Variants in COL4A2 observed in about 807,000 individuals in gnomAD.
The protein encoded by COL4A2 is collagen alpha-2(IV) chain.
COL4A2 carries 99 observed loss-of-function variants against 200.2 expected under a neutral mutation model. That is an observed-to-expected ratio of 0.49 (90% CI 0.42 to 0.58). The LOEUF (loss-of-function observed/expected upper bound fraction) is 0.58. COL4A2 is among the 20% of genes least tolerant of loss of function. The probability of loss-of-function intolerance (pLI) is 0.00; values close to 1 mark genes in which losing one functional copy is unlikely to be tolerated. For synonymous variants in COL4A2, 897 were observed against 900.6 expected (o/e 1.00, Z 0.07); for missense variants, 1,950 against 2,314.1 (o/e 0.84, Z 3.23).
chr13:110,378,988 G>C (rs147633365), intron 4 of COL4A2, among the ~76,000 whole-genome samples: 48 of 152,268 alleles, frequency 3.2e-4, no homozygotes, highest in Non-Finnish European at 5.4e-4. Context: ...TCATGGAGCC[G>C]GGGGCATTTG....
At chr13:110,452,669 T>G (rs1881585748) in intron 20 of COL4A2, among the ~76,000 whole-genome samples, 1 of 152,260 alleles carries the variant, frequency 6.6e-6, no homozygotes, top group South Asian at 2.1e-4. Context: ...AACCCACATA[T>G]TCTCACATTA....
intron 24 of COL4A2, among the ~76,000 whole-genome samples, chr13:110,463,689 C>T (rs1360306134): frequency 6.6e-6 from 1 of 152,190 alleles, no homozygotes; most frequent in Admixed American, 6.5e-5. Flanking sequence ...CACACCAGCA[C>T]ACCCACCTAA....
At chr13:110,407,070 T>C (rs1286576796) in intron 4 of COL4A2, among the ~76,000 whole-genome samples, 1 of 152,214 alleles carries the variant, frequency 6.6e-6, no homozygotes, top group Non-Finnish European at 1.5e-5. Context: ...TGCTTCTCCA[T>C]GGTGCTGGGA....
intron 4 of COL4A2, among the ~76,000 whole-genome samples, chr13:110,411,095 T>G (rs1040728747): frequency 1.3e-5 from 2 of 152,086 alleles, no homozygotes; most frequent in Admixed American, 1.3e-4. Flanking sequence ...CCATCTCAGC[T>G]CCTATCTGTG....
rs189494958 is a variant in COL4A2 at position 110,490,517 on chromosome 13, G to A, written c.3347-716G>A. Among the ~76,000 whole-genome samples the A allele has an allele frequency of 2.3e-3, 350 of 152,268 alleles. 2 individuals carry two copies. The highest frequency in any genetic ancestry group is 8.1e-3 in the African/African-American group (336 of 41,554). The stretch of plus-strand genomic sequence containing the variant: ...AGAAATTGCTCTGGAATGGAAAGAC[G>A]TGTTCAGTTGAGCACAGGATCAGAG... On this transcript the variant is annotated intron_variant, in intron 36 of 47. Coordinates refer to ENST00000360467, the MANE Select transcript of COL4A2 (RefSeq NM_001846.4).
intron 3 of COL4A2, among the ~76,000 whole-genome samples, chr13:110,334,162 G>A (rs567174773): frequency 1.6e-4 from 25 of 152,248 alleles, no homozygotes; most frequent in Non-Finnish European, 2.6e-4. Context: ...ACAATATGAC[G>A]CACAGTCAGT....
Position 110,512,341 on chromosome 13 carries a change from C to A in COL4A2, c.*150C>A. ...CAGCAGCAGCACTTAGACCTGCCAG[C>A]CACTGTCACCGAGCGGGTGCAAGCA... On this transcript the variant is annotated 3_prime_UTR_variant, in exon 48 of 48. Coordinates refer to ENST00000360467, the MANE Select transcript of COL4A2 (RefSeq NM_001846.4). 1 of 1,317,780 alleles carries A rather than the reference C, an allele frequency of 7.6e-7. No homozygotes were observed. Among genetic ancestry groups the A allele is most frequent in the Non-Finnish European group, 1.0e-6 (1 of 994,486 alleles). 81.6% of individuals were successfully genotyped at this position (1,317,780 alleles called of 1,614,324 possible).
At chr13:110,499,584 A>G (rs866636196) in intron 40 of COL4A2, among the ~76,000 whole-genome samples, 8 of 152,184 alleles carry the variant, frequency 5.3e-5, no homozygotes, top group South Asian at 2.1e-4. Context: ...AGAGTCTGCA[A>G]CCTCACCTAT....
chr13:110,383,606 CTTTTTT>C (rs67906394), intron 4 of COL4A2, among the ~76,000 whole-genome samples: 11 of 65,346 alleles, frequency 1.7e-4, no homozygotes, highest in Non-Finnish European at 2.3e-4. Context: ...CAGCCCTTTT[CTTTTTT>C]TTTTTTTTTT....
At chr13:110,405,948 G>T (rs1879551131) in intron 4 of COL4A2, among the ~76,000 whole-genome samples, 2 of 152,234 alleles carry the variant, frequency 1.3e-5, no homozygotes, top group Admixed American at 1.3e-4. Flanking sequence ...CGCATTTGTG[G>T]CTGGAGGTCA....
chr13:110,472,855 C>T, intron 28 of COL4A2, 74 bp from the exon 29 acceptor site: 1 of 1,440,488 alleles, frequency 6.9e-7, no homozygotes, highest in Non-Finnish European at 9.5e-7. Flanking sequence ...CTGTTTCCAG[C>T]CTCTTTTTGA....
At chr13:110,403,876 T>C (rs2139432982) in intron 4 of COL4A2, among the ~76,000 whole-genome samples, 1 of 152,352 alleles carries the variant, frequency 6.6e-6, no homozygotes, top group East Asian at 1.9e-4. Flanking sequence ...TTATTGCTCA[T>C]AGTTCTGCAG....
chr13:110,507,630 A>G, intron 46 of COL4A2: 1 of 477,878 alleles, frequency 2.1e-6, no homozygotes, highest in Middle Eastern at 5.7e-4. Flanking sequence ...TTAAGACCCC[A>G]CTAAGGTAAG....
At chr13:110,468,249 G>A (rs1477073693) in intron 27 of COL4A2, 3 of 471,618 alleles carry the variant, frequency 6.4e-6, no homozygotes, top group Admixed American at 2.3e-5. Flanking sequence ...GTGAGCAGAG[G>A]TAAAGGCTCC....
chr13:110,488,133 C>G (rs1883168944), intron 34 of COL4A2, among the ~76,000 whole-genome samples: 1 of 152,192 alleles, frequency 6.6e-6, no homozygotes, highest in Non-Finnish European at 1.5e-5. Context: ...TCAAGCGATT[C>G]CCCTGCCACA....
In COL4A2 at chr13:110,511,981, G is replaced by A. The variant is rs7320105; in HGVS notation, c.4929G>A (p.Pro1643=). 1.9e-3 allele frequency: 3,013 copies of A among 1,613,530 alleles called. No homozygotes were observed. Among genetic ancestry groups the A allele is most frequent in the African/African-American group, 4.8e-3 (361 of 75,054 alleles). ...DEGGGQSLVS[P]GSCLEDFRAT... is the part of the protein sequence containing the mutation. ...GCGGTGGCCAATCACTGGTGTCACC[G>A]GGCAGCTGTCTAGAGGACTTCCGCG... Residue 1643 remains proline (P), a synonymous_variant, in exon 48 of 48, where the codon CCG becomes CCA. Coordinates refer to ENST00000360467, the MANE Select transcript of COL4A2 (RefSeq NM_001846.4).
intron 3 of COL4A2, among the ~76,000 whole-genome samples, chr13:110,318,416 A>G (rs756504271): frequency 9.9e-5 from 15 of 152,280 alleles, no homozygotes; most frequent in Non-Finnish European, 8.8e-5. Context: ...GACGTTCACT[A>G]TTTGAGAGCC....
chr13:110,444,572 G>A lies in COL4A2; in HGVS notation c.958-1257G>A, dbSNP rs114686990. Among the ~76,000 whole-genome samples the A allele has an allele frequency of 5.2e-3, 799 of 152,306 alleles. 14 individuals carry two copies. The highest frequency in any genetic ancestry group is 0.018 in the African/African-American group (755 of 41,576). ...CAACAACACACACAAAGTGAAGCCC[G>A]TCTCAATTCAGTCTAAACAACATGA... On this transcript the variant is annotated intron_variant, in intron 16 of 47. Coordinates refer to ENST00000360467, the MANE Select transcript of COL4A2 (RefSeq NM_001846.4).
intron 40 of COL4A2, among the ~76,000 whole-genome samples, chr13:110,498,709 TA>T (rs1172973575): frequency 6.6e-6 from 1 of 152,218 alleles, no homozygotes; most frequent in Non-Finnish European, 1.5e-5. Context: ...TGTGAAATTG[TA>T]GGATAATTTT....
Sources: allele counts gnomAD v4.1 joint callset (sites outside exome capture counted in the v4.1 genomes callset), GRCh38; gene constraint gnomAD v4.1.1; transcripts MANE v1.5; gene names NCBI Gene and HGNC (gene_info 2026-07-23, HGNC 2026-07-21).